TP63: variants seen among roughly 807,000 people sequenced by gnomAD.
TP63 encodes tumor protein p63, also known as tumor protein 63.
In TP63, 17 loss-of-function variants were observed where a neutral mutation model predicts 82.8. The observed-to-expected ratio is 0.21, with a 90% CI of 0.14 to 0.31. The LOEUF is 0.31. Ranked by LOEUF, TP63 falls within the 10% of genes least tolerant of loss-of-function variation. The pLI, the probability that TP63 is intolerant of heterozygous loss-of-function variation, is 1.00. For missense variants in TP63, 648 were observed against 895.3 expected (o/e 0.72, Z 3.52); for synonymous variants, 330 against 321.7 (o/e 1.03, Z -0.28).
intron 1 of TP63, among the ~76,000 whole-genome samples, chr3:189,638,617 C>T (rs1711541239): frequency 6.6e-6 from 1 of 152,176 alleles, no homozygotes; most frequent in African/African-American, 2.4e-5. Flanking sequence ...ATACTCACTT[C>T]TGATGTTGTC....
At chr3:189,878,873 T>G (rs2889923) in intron 10 of TP63, among the ~76,000 whole-genome samples, 1 of 103,900 alleles carries the variant, frequency 9.6e-6, no homozygotes, top group African/African-American at 3.9e-5. Context: ...GTGATCCCCC[T>G]GACCTTGGCC....
At chr3:189,670,245 T>C (rs79413024) in intron 1 of TP63, among the ~76,000 whole-genome samples, 229 of 152,188 alleles carry the variant, frequency 1.5e-3, no homozygotes, top group Middle Eastern at 0.01. Context: ...ATTTTCATCT[T>C]TTCACAGTAA....
chr3:189,675,920 CT>C (rs11295512), intron 1 of TP63, among the ~76,000 whole-genome samples: 18 of 131,704 alleles, frequency 1.4e-4, no homozygotes, highest in African/African-American at 5.2e-4. Flanking sequence ...CCCACAAGTC[CT>C]TTTTTTTCCA....
intron 4 of TP63, among the ~76,000 whole-genome samples, chr3:189,833,176 A>C (rs918759796): frequency 4.6e-5 from 7 of 152,126 alleles, no homozygotes; most frequent in Non-Finnish European, 2.9e-5. Context: ...TCATTACTTA[A>C]TTTTGCTTCT....
chr3:189,810,127 G>A (rs1055501100), intron 4 of TP63, among the ~76,000 whole-genome samples: 1 of 152,128 alleles, frequency 6.6e-6, no homozygotes, highest in African/African-American at 2.4e-5. Flanking sequence ...TCCTCCACGT[G>A]TTACTTATCA....
the TP63 span, among the ~76,000 whole-genome samples, chr3:189,612,489 C>T: frequency 2.6e-5 from 4 of 152,332 alleles, no homozygotes; most frequent in East Asian, 5.8e-4. Context: ...TTCAATTAAA[C>T]CTCCTTTCTT....
intron 1 of TP63, among the ~76,000 whole-genome samples, chr3:189,649,226 C>T (rs1429988923): frequency 6.8e-6 from 1 of 146,654 alleles, no homozygotes; most frequent in African/African-American, 2.6e-5. Flanking sequence ...TTCACAATAG[C>T]AAAGAAATGG....
chr3:189,669,322 C>A (rs1714687225), intron 1 of TP63, among the ~76,000 whole-genome samples: 1 of 150,056 alleles, frequency 6.7e-6, no homozygotes. Flanking sequence ...GGTAAACAAA[C>A]TGAGGATAAT....
chr3:189,639,687 AATGTT>A (rs1247959590), intron 1 of TP63, among the ~76,000 whole-genome samples: 1 of 152,146 alleles, frequency 6.6e-6, no homozygotes, highest in Non-Finnish European at 1.5e-5. Flanking sequence ...GCATCATCAT[AATGTT>A]AAGACTGAGA....
At chr3:189,875,603 T>TATATATATATATATATAC (rs1718989867) in intron 10 of TP63, among the ~76,000 whole-genome samples, 3 of 35,160 alleles carry the variant, frequency 8.5e-5, no homozygotes, top group African/African-American at 2.3e-4. Context: ...CATATATATA[T>TATATATATATATATATAC]ATATATATAT....
At chr3:189,597,739 A>G in the TP63 span, among the ~76,000 whole-genome samples, 1 of 152,154 alleles carries the variant, frequency 6.6e-6, no homozygotes, top group African/African-American at 2.4e-5. Context: ...AGCCTAGGCA[A>G]CATGGTGAAA....
chr3:189,829,935 C>G (rs1370391589), intron 4 of TP63: 1 of 383,176 alleles, frequency 2.6e-6, no homozygotes, highest in Non-Finnish European at 5.3e-6. Context: ...CCAGACACAT[C>G]TCATCTGATA....
chr3:189,742,636 C>T (rs1289840589), intron 3 of TP63, among the ~76,000 whole-genome samples: 5 of 152,156 alleles, frequency 3.3e-5, no homozygotes, highest in African/African-American at 2.4e-5. Flanking sequence ...AGCGTAGTGC[C>T]CTACATCTTA....
chr3:189,600,636 C>A, the TP63 span, among the ~76,000 whole-genome samples: 3 of 152,098 alleles, frequency 2.0e-5, no homozygotes, highest in African/African-American at 7.2e-5. Flanking sequence ...ACTGTTTCTC[C>A]CTGCTTTAGA....
chr3:189,818,896 T>C (rs567160208), intron 4 of TP63, among the ~76,000 whole-genome samples: 1 of 152,190 alleles, frequency 6.6e-6, no homozygotes, highest in African/African-American at 2.4e-5. Context: ...GACCTTTGCC[T>C]TGATGTTAGA....
At chr3:189,878,601 T>A (rs1719530581) in intron 10 of TP63, among the ~76,000 whole-genome samples, 1 of 148,952 alleles carries the variant, frequency 6.7e-6, no homozygotes, top group Non-Finnish European at 1.5e-5. Context: ...TTCTTTTTTT[T>A]TTTTTTTAGT....
intron 1 of TP63, among the ~76,000 whole-genome samples, chr3:189,691,235 A>AGGCTGAC (rs1412824303): frequency 1.4e-5 from 2 of 145,952 alleles, no homozygotes; most frequent in East Asian, 4.4e-4. Flanking sequence ...GCTACTCGGG[A>AGGCTGAC]GGCTGACACA....
At chr3:189,786,368 A>G (rs12486019) in intron 3 of TP63, among the ~76,000 whole-genome samples, 18,644 of 151,786 alleles carry the variant, frequency 0.12, 1,239 homozygotes, top group East Asian at 0.32. Context: ...TAAGTTGACT[A>G]TGGAAAAATT....
At chr3:189,715,389 G>C (rs910225701) in intron 1 of TP63, among the ~76,000 whole-genome samples, 1 of 152,204 alleles carries the variant, frequency 6.6e-6, no homozygotes, top group Non-Finnish European at 1.5e-5. Flanking sequence ...AGGAAGCATT[G>C]AGGGTATGTT....
Sources: allele counts gnomAD v4.1 joint callset (sites outside exome capture counted in the v4.1 genomes callset), GRCh38; gene constraint gnomAD v4.1.1; transcripts MANE v1.5; gene names NCBI Gene and HGNC (gene_info 2026-07-23, HGNC 2026-07-21).